The following CHRM2 variants were observed in gnomAD, a reference collection of about 807,000 sequenced individuals.
CHRM2 encodes the protein muscarinic acetylcholine receptor M2.
Under a neutral mutation model 25.0 loss-of-function variants are expected in CHRM2, and 8 were observed. That is an observed-to-expected ratio of 0.32 (90% CI 0.19 to 0.58). CHRM2 has a LOEUF of 0.58. Among genes scored for constraint, CHRM2 ranks in the 20% least tolerant of loss-of-function variants. The pLI is 0.88. For synonymous variants in CHRM2, 202 were observed against 205.7 expected (o/e 0.98, Z 0.15); for missense variants, 440 against 567.1 (o/e 0.78, Z 2.28).
At chr7:136,945,306 A>C (rs886892504) in intron 2 of CHRM2, among the ~76,000 whole-genome samples, 3 of 151,990 alleles carry the variant, frequency 2.0e-5, no homozygotes, top group Non-Finnish European at 2.9e-5. Flanking sequence ...TCTTTGCCTA[A>C]GCCAATGTCT....
At chr7:136,978,499 C>T (rs762386201) in intron 2 of CHRM2, among the ~76,000 whole-genome samples, 10 of 152,054 alleles carry the variant, frequency 6.6e-5, no homozygotes, top group Admixed American at 2.0e-4. Flanking sequence ...ATGGGCAGAA[C>T]GTGCAGGTTT....
intron 3 of CHRM2, among the ~76,000 whole-genome samples, chr7:137,013,100 CA>C (rs1214182802): frequency 6.6e-6 from 1 of 151,544 alleles, no homozygotes; most frequent in Non-Finnish European, 1.5e-5. Context: ...CCTTTTTTGC[CA>C]AAACTCTATT....
chr7:136,903,679 T>C (rs1354369896), intron 2 of CHRM2, among the ~76,000 whole-genome samples: 1 of 151,996 alleles, frequency 6.6e-6, no homozygotes, highest in African/African-American at 2.4e-5. Flanking sequence ...TCTTAAATAA[T>C]ACGCCTTCTG....
At chr7:136,996,759 G>A (rs187565098) in intron 3 of CHRM2, among the ~76,000 whole-genome samples, 121 of 152,190 alleles carry the variant, frequency 8.0e-4, no homozygotes, top group Admixed American at 1.5e-3. Context: ...AGATGTTTTC[G>A]AATGTCATAG....
intron 2 of CHRM2, among the ~76,000 whole-genome samples, chr7:136,924,840 G>A (rs181576935): frequency 4.6e-5 from 7 of 152,222 alleles, no homozygotes; most frequent in South Asian, 2.1e-4. Flanking sequence ...ACTTTCATCC[G>A]TTTTTCATGG....
At chr7:136,901,820 T>C (rs1177765055) in intron 2 of CHRM2, 3 of 151,954 alleles carry the variant, frequency 2.0e-5, no homozygotes, top group African/African-American at 7.2e-5. Flanking sequence ...TTCCCAATAA[T>C]ACAGGGGAAT....
intron 2 of CHRM2, among the ~76,000 whole-genome samples, chr7:136,968,741 T>TAC (rs1359272290): frequency 2.7e-5 from 4 of 146,302 alleles, no homozygotes; most frequent in African/African-American, 9.9e-5. Flanking sequence ...TATATATATA[T>TAC]ATACAGACAA....
intron 2 of CHRM2, among the ~76,000 whole-genome samples, chr7:136,928,281 C>T (rs1186635828): frequency 6.6e-6 from 1 of 152,184 alleles, no homozygotes; most frequent in Non-Finnish European, 1.5e-5. Flanking sequence ...ATTTACTTAA[C>T]TTCTCTGGGC....
rs147353012 is a variant in CHRM2, at chr7:136,886,042, C to T, written c.-125+16624C>T. 2.6e-3 allele frequency among the ~76,000 whole-genome samples: 402 copies of T among 152,268 alleles called. 2 individuals are homozygous for T. Among genetic ancestry groups the T allele is most frequent in the Non-Finnish European group, 4.1e-3 (279 of 68,006 alleles). On this transcript the variant is annotated intron_variant, in intron 2 of 3. Transcript: ENST00000680005. ...ATGGCATCCAAAGGTCTATACCTAT[C>T]CTGTTGGCTAGCATGAGCAAAATCT...
At chr7:136,996,313 T>C (rs1376190776) in intron 3 of CHRM2, among the ~76,000 whole-genome samples, 1 of 152,024 alleles carries the variant, frequency 6.6e-6, no homozygotes, top group African/African-American at 2.4e-5. Flanking sequence ...TAAAAACATC[T>C]ATAAAAAGAC....
In CHRM2 at chr7:136,985,347, T is replaced by C. The variant is rs185569686; in HGVS notation, c.-124-6840T>C. ...CAACATGATGAAACCCCGTCTCTAC[T>C]AAAAATACAAAAATTAGCTGGGTGT... On this transcript the variant is annotated intron_variant, in intron 2 of 3. Coordinates refer to ENST00000680005, the MANE Select transcript of CHRM2 (RefSeq NM_001006630.2). Among the ~76,000 whole-genome samples, 97 of 151,770 alleles carry C rather than the reference T, an allele frequency of 6.4e-4. 2 individuals carry two copies. The East Asian group carries it at 0.014, about 23-fold the overall frequency.
intron 2 of CHRM2, among the ~76,000 whole-genome samples, chr7:136,944,494 TATACATATATGTGTAC>T (rs917743633): frequency 1.3e-5 from 2 of 152,122 alleles, no homozygotes; most frequent in Admixed American, 1.3e-4. Context: ...TGTGTACATG[TATACATATATGTGTAC>T]ATATATACGT....
intron 2 of CHRM2, among the ~76,000 whole-genome samples, chr7:136,940,441 C>T (rs2130814321): frequency 6.6e-6 from 1 of 152,294 alleles, no homozygotes; most frequent in South Asian, 2.1e-4. Context: ...TGGAAAGTTA[C>T]TCAATCATCT....
intron 2 of CHRM2, among the ~76,000 whole-genome samples, chr7:136,971,103 T>C (rs1257017518): frequency 6.6e-6 from 1 of 152,234 alleles, no homozygotes; most frequent in African/African-American, 2.4e-5. Flanking sequence ...TGCTGAAATC[T>C]GGCAGCACAG....
At chr7:136,964,935 C>T (rs1801318349) in intron 2 of CHRM2, among the ~76,000 whole-genome samples, 3 of 152,102 alleles carry the variant, frequency 2.0e-5, no homozygotes, top group Non-Finnish European at 4.4e-5. Context: ...GAACAAAGGA[C>T]CTTCTAGGTA....
At chr7:136,979,556 T>A (rs892793516) in intron 2 of CHRM2, among the ~76,000 whole-genome samples, 1 of 152,230 alleles carries the variant, frequency 6.6e-6, no homozygotes. Context: ...CTAGGTTTTC[T>A]TCTAGAGTTT....
chr7:136,999,760 C>T (rs1003131100), intron 3 of CHRM2, among the ~76,000 whole-genome samples: 1 of 152,100 alleles, frequency 6.6e-6, no homozygotes, highest in Non-Finnish European at 1.5e-5. Context: ...CTTCTGTTCC[C>T]AACTGCTTCC....
intron 2 of CHRM2, among the ~76,000 whole-genome samples, chr7:136,926,160 T>C (rs1270151046): frequency 1.3e-5 from 2 of 152,040 alleles, no homozygotes; most frequent in African/African-American, 2.4e-5. Flanking sequence ...TGCTTAAACC[T>C]GGGAGGTCGA....
At chr7:136,936,918 A>T (rs77127151) in intron 2 of CHRM2, among the ~76,000 whole-genome samples, 2,001 of 152,264 alleles carry the variant, frequency 0.013, 39 homozygotes, top group African/African-American at 0.046. Flanking sequence ...ATTGTTCTCC[A>T]ATAATCTGCT....
Sources: allele counts gnomAD v4.1 joint callset (sites outside exome capture counted in the v4.1 genomes callset), GRCh38; gene constraint gnomAD v4.1.1; transcripts MANE v1.5; gene names NCBI Gene and HGNC (gene_info 2026-07-23, HGNC 2026-07-21).